Variants in LTBP1 observed in about 807,000 individuals in gnomAD.
The protein encoded by LTBP1 is latent transforming growth factor beta binding protein 1, also known as latent-transforming growth factor beta-binding protein 1.
In LTBP1, 129 loss-of-function variants were observed where a neutral mutation model predicts 207.6. The observed-to-expected ratio is 0.62, with a 90% confidence interval of 0.54 to 0.72. LTBP1 has a LOEUF of 0.72. Among genes scored for constraint, LTBP1 ranks in the 30% least tolerant of loss-of-function variants. The probability of loss-of-function intolerance (pLI) is 0.00; values close to 1 mark genes in which losing one functional copy is unlikely to be tolerated. For synonymous variants in LTBP1, 963 were observed against 833.7 expected, an observed-to-expected ratio of 1.16 and a Z score of -2.67; for missense variants, 2,281 against 2,217.2, an observed-to-expected ratio of 1.03 and a Z score of -0.58.
At chr2:33,395,256 G>A (rs2095348499) in intron 32 of LTBP1, among the ~76,000 whole-genome samples, 1 of 152,184 alleles carries the variant, frequency 6.6e-6, no homozygotes, top group African/African-American at 2.4e-5. Flanking sequence ...TCACAGGCAT[G>A]AGCAGAAGAC....
intron 19 of LTBP1, among the ~76,000 whole-genome samples, chr2:33,284,175 T>C (rs1254938294): frequency 2.6e-5 from 4 of 152,212 alleles, no homozygotes; most frequent in Admixed American, 1.3e-4. Context: ...ATCTTACTGA[T>C]TGATGCTTCT....
At chr2:33,334,535 C>A (rs1269005686) in intron 24 of LTBP1, among the ~76,000 whole-genome samples, 1 of 152,088 alleles carries the variant, frequency 6.6e-6, no homozygotes, top group Non-Finnish European at 1.5e-5. Flanking sequence ...ACTGGAGATA[C>A]AACCAAAAGA....
At chr2:33,286,713 A>G (rs553378146) in intron 19 of LTBP1, among the ~76,000 whole-genome samples, 1 of 151,928 alleles carries the variant, frequency 6.6e-6, no homozygotes, top group East Asian at 1.9e-4. Context: ...GGATTAAGAA[A>G]ACGTGGCACG....
At chr2:33,242,872 C>T (rs2092382548) in intron 9 of LTBP1, among the ~76,000 whole-genome samples, 1 of 152,080 alleles carries the variant, frequency 6.6e-6, no homozygotes, top group Non-Finnish European at 1.5e-5. Context: ...GTCTTTCTTT[C>T]TCCTGCTCAG....
chr2:33,010,492 A>G (rs535098627), intron 2 of LTBP1, among the ~76,000 whole-genome samples: 2 of 152,322 alleles, frequency 1.3e-5, no homozygotes, highest in South Asian at 2.1e-4. Flanking sequence ...AATGTGTTGT[A>G]TATTTCAAAA....
chr2:33,361,551 G>C (rs1427738069), intron 28 of LTBP1, 36 bp downstream of exon 28: 3 of 1,425,028 alleles, frequency 2.1e-6, no homozygotes, highest in Non-Finnish European at 3.0e-6. Flanking sequence ...TCAGCACATT[G>C]TGTACATGTC....
Position 33,388,804 on chromosome 2 carries a change from T to C in LTBP1, c.4712-380T>C, listed in dbSNP as rs554039533. Reference sequence around the variant, plus strand: ...AGCACCTCTCTGTCAGAATGACTACTTTCTACTTTAAAAATGTTTTTGATG... The same window carrying C: ...AGCACCTCTCTGTCAGAATGACTACCTTCTACTTTAAAAATGTTTTTGATG... On this transcript the variant is annotated intron_variant, in intron 31 of 33. Transcript: ENST00000404816. Among the ~76,000 whole-genome samples the C allele has an allele frequency of 3.9e-5, 6 of 152,322 alleles. No homozygotes were observed. The East Asian group carries it at 9.6e-4, about 24-fold the overall frequency.
At chr2:32,980,798 G>A (rs1438700436) in intron 2 of LTBP1, among the ~76,000 whole-genome samples, 2 of 151,970 alleles carry the variant, frequency 1.3e-5, no homozygotes, top group Non-Finnish European at 2.9e-5. Flanking sequence ...TGTTTTTCTG[G>A]GAAAGTCTTT....
intron 4 of LTBP1, among the ~76,000 whole-genome samples, chr2:33,130,191 A>G (rs1260040384): frequency 6.6e-6 from 1 of 152,188 alleles, no homozygotes; most frequent in East Asian, 1.9e-4. Context: ...CTGTTAGCTC[A>G]GTCTCTCTCA....
chr2:33,307,085 C>CAAAAAAAA (rs1291775472), intron 22 of LTBP1, among the ~76,000 whole-genome samples: 1 of 151,716 alleles, frequency 6.6e-6, no homozygotes, highest in Non-Finnish European at 1.5e-5. Flanking sequence ...GACTCCATCT[C>CAAAAAAAA]AAAAACAAAA....
chr2:33,277,469 T>A (rs971365377), intron 18 of LTBP1, among the ~76,000 whole-genome samples: 2 of 152,202 alleles, frequency 1.3e-5, no homozygotes, highest in Admixed American at 6.5e-5. Context: ...TGAAACGTAG[T>A]ACATCATCTG....
intron 32 of LTBP1, among the ~76,000 whole-genome samples, chr2:33,392,505 C>G (rs1170201262): frequency 6.6e-6 from 1 of 152,122 alleles, no homozygotes; most frequent in African/African-American, 2.4e-5. Flanking sequence ...AATTTGTAGG[C>G]TTTGCAGGTC....
At chr2:33,171,270 G>A (rs1318354772) in intron 5 of LTBP1, among the ~76,000 whole-genome samples, 1 of 128,600 alleles carries the variant, frequency 7.8e-6, no homozygotes, top group South Asian at 2.4e-4. Context: ...AAAAAATTTA[G>A]ACGAATGTAT....
At chr2:32,972,455 C>T (rs995347914) in intron 2 of LTBP1, among the ~76,000 whole-genome samples, 2 of 152,090 alleles carry the variant, frequency 1.3e-5, no homozygotes, top group African/African-American at 2.4e-5. Context: ...CATCTTAACA[C>T]TGCTTTAGCT....
intron 7 of LTBP1, among the ~76,000 whole-genome samples, chr2:33,204,207 AT>A (rs749321771): frequency 2.6e-4 from 40 of 151,790 alleles, no homozygotes; most frequent in African/African-American, 3.4e-4. Flanking sequence ...TCATCCTTCC[AT>A]TTTTTTTCCC....
At chr2:33,089,730 C>G (rs115339681) in intron 3 of LTBP1, among the ~76,000 whole-genome samples, 1,619 of 152,292 alleles carry the variant, frequency 0.011, 15 homozygotes, top group Non-Finnish European at 0.015. Flanking sequence ...TTTCTTTATG[C>G]TATGGTTCCT....
chr2:33,173,154 C>T (rs1415391854), intron 5 of LTBP1, among the ~76,000 whole-genome samples: 1 of 152,042 alleles, frequency 6.6e-6, no homozygotes, highest in Non-Finnish European at 1.5e-5. Context: ...TAACTAAAAT[C>T]AGAGCAGAAG....
chr2:32,984,967 G>T (rs905631949), intron 2 of LTBP1, among the ~76,000 whole-genome samples: 1 of 124,320 alleles, frequency 8.0e-6, no homozygotes, highest in African/African-American at 2.6e-5. Flanking sequence ...AACAAAACCA[G>T]TTATGGTCAT....
chr2:33,374,038 C>G (rs1323866823), intron 31 of LTBP1, among the ~76,000 whole-genome samples: 1 of 152,168 alleles, frequency 6.6e-6, no homozygotes, highest in African/African-American at 2.4e-5. Context: ...CTTAGACGCT[C>G]CCAAAGATCT....
Sources: allele counts gnomAD v4.1 joint callset (sites outside exome capture counted in the v4.1 genomes callset), GRCh38; gene constraint gnomAD v4.1.1; transcripts MANE v1.5; gene names NCBI Gene and HGNC (gene_info 2026-07-23, HGNC 2026-07-21).